Variants in GLT1D1 observed in about 807,000 individuals in gnomAD.
GLT1D1 encodes the protein glycosyltransferase 1 domain containing 1, also known as glycosyltransferase 1 domain-containing protein 1.
Under a neutral mutation model 28.7 loss-of-function variants are expected in GLT1D1, and 21 were observed. The observed-to-expected ratio is 0.73, with a 90% CI of 0.52 to 1.05. The LOEUF is 1.05. Among genes scored for constraint, GLT1D1 ranks in the 50% least tolerant of loss-of-function variants. The probability of loss-of-function intolerance (pLI) is 0.00; values close to 1 mark genes in which losing one functional copy is unlikely to be tolerated. For missense variants in GLT1D1, 343 were observed against 330.6 expected (o/e 1.04, Z -0.29); for synonymous variants, 147 against 124.8 (o/e 1.18, Z -1.19).
At chr12:128,954,956 C>A (rs974702074) in intron 6 of GLT1D1, among the ~76,000 whole-genome samples, 4 of 152,178 alleles carry the variant, frequency 2.6e-5, no homozygotes, top group Non-Finnish European at 5.9e-5. Flanking sequence ...CCTGTCCCCT[C>A]TTCCTGGGAC....
intron 3 of GLT1D1, among the ~76,000 whole-genome samples, chr12:128,892,767 A>T (rs889552002): frequency 6.6e-6 from 1 of 151,976 alleles, no homozygotes. Context: ...AAGTTTTTTT[A>T]GTATTTAAAT....
chr12:128,879,815 C>T (rs1262691355), intron 2 of GLT1D1, among the ~76,000 whole-genome samples: 1 of 152,186 alleles, frequency 6.6e-6, no homozygotes, highest in Non-Finnish European at 1.5e-5. Flanking sequence ...TTTATTCCCA[C>T]AAGTGGGATT....
At chr12:128,967,571 C>G (rs913641072) in intron 7 of GLT1D1, among the ~76,000 whole-genome samples, 1 of 152,342 alleles carries the variant, frequency 6.6e-6, no homozygotes, top group Non-Finnish European at 1.5e-5. Context: ...GCTTGCAGCG[C>G]TGTGCACTAG....
At chr12:128,940,975 A>G (rs201095158) in intron 4 of GLT1D1, among the ~76,000 whole-genome samples, 3 of 152,134 alleles carry the variant, frequency 2.0e-5, no homozygotes, top group East Asian at 3.9e-4. Context: ...CCTCACCCCA[A>G]TAACCCCTAA....
At chr12:128,880,012 G>A (rs193008516) in intron 2 of GLT1D1, among the ~76,000 whole-genome samples, 2 of 152,334 alleles carry the variant, frequency 1.3e-5, no homozygotes, top group African/African-American at 4.8e-5. Flanking sequence ...ATTGTATGTG[G>A]ATGTTGGAAA....
rs374597920 is a variant in GLT1D1, at chr12:128,956,171, A to AAAAAAAAAAAAAAAAAAAAAAAG, written c.541-1373_541-1372insAAAAAAAAAAAAAAAAAAAAAGA. 1.2e-3 allele frequency among the ~76,000 whole-genome samples: 78 copies of AAAAAAAAAAAAAAAAAAAAAAAG among 63,946 alleles called. 9 individuals carry two copies. Among genetic ancestry groups the AAAAAAAAAAAAAAAAAAAAAAAG allele is most frequent in the African/African-American group, 3.2e-3 (71 of 22,320 alleles). The allele number at this position is 63,946 out of a possible 152,430, so 42.0% of individuals were successfully genotyped here. A position where few individuals can be genotyped will look rare whatever the true frequency, so the allele number is the denominator to read the frequency against. On this transcript the variant is annotated intron_variant, in intron 6 of 7. Coordinates refer to ENST00000281703, the MANE Select transcript of GLT1D1 (RefSeq NM_144669.3). ...GAGACTCCATCTCAAAAAAAAAAAA[A>AAAAAAAAAAAAAAAAAAAAAAAG]AGAGAAAGAGAGAAAGAAAGAAAGA...
intron 4 of GLT1D1, among the ~76,000 whole-genome samples, chr12:128,902,819 G>A (rs2135861312): frequency 6.6e-6 from 1 of 151,608 alleles, no homozygotes; most frequent in Non-Finnish European, 1.5e-5. Context: ...GAGGCGGGCA[G>A]ATCACCTGAG....
intron 4 of GLT1D1, among the ~76,000 whole-genome samples, chr12:128,905,715 T>C (rs1174290098): frequency 6.6e-6 from 1 of 152,210 alleles, no homozygotes; most frequent in Non-Finnish European, 1.5e-5. Context: ...AGTGGGCTCC[T>C]CACCAGGTCA....
At chr12:128,904,623 C>CTTTTTTTTT (rs59189244) in intron 4 of GLT1D1, among the ~76,000 whole-genome samples, 4 of 139,286 alleles carry the variant, frequency 2.9e-5, no homozygotes, top group African/African-American at 6.1e-5. Flanking sequence ...TGAAAACAGT[C>CTTTTTTTTT]TTTTTTTTTT....
At chr12:128,967,929 A>AGAG (rs1878622891) in intron 7 of GLT1D1, among the ~76,000 whole-genome samples, 2 of 152,242 alleles carry the variant, frequency 1.3e-5, no homozygotes, top group East Asian at 3.9e-4. Flanking sequence ...AGTTAAGCCC[A>AGAG]GAGGAAACTC....
At chr12:128,868,952 C>A (rs1354598182) in intron 1 of GLT1D1, among the ~76,000 whole-genome samples, 1 of 152,200 alleles carries the variant, frequency 6.6e-6, no homozygotes, top group Non-Finnish European at 1.5e-5. Context: ...TCACTGCAAC[C>A]ACCGCCTGCC....
intron 1 of GLT1D1, among the ~76,000 whole-genome samples, chr12:128,867,902 G>T (rs778532062): frequency 2.6e-5 from 4 of 152,208 alleles, no homozygotes; most frequent in African/African-American, 9.6e-5. Context: ...ATAATGGAAG[G>T]ATTGAGGGGA....
chr12:128,887,244 C>T (rs760711679), intron 2 of GLT1D1, among the ~76,000 whole-genome samples: 25 of 151,976 alleles, frequency 1.6e-4, no homozygotes, highest in Non-Finnish European at 2.8e-4. Flanking sequence ...CTCAAACTCC[C>T]GGCCTCAGGT....
At chr12:128,916,495 T>C (rs1356402815) in intron 4 of GLT1D1, among the ~76,000 whole-genome samples, 1 of 152,216 alleles carries the variant, frequency 6.6e-6, no homozygotes, top group East Asian at 1.9e-4. Flanking sequence ...CTTCAGTTAC[T>C]CCACATTCTT....
intron 2 of GLT1D1, among the ~76,000 whole-genome samples, chr12:128,884,418 G>A (rs1177476589): frequency 6.6e-6 from 1 of 152,134 alleles, no homozygotes; most frequent in South Asian, 2.1e-4. Context: ...TTAGGGAAAC[G>A]TTGGTCAAAA....
chr12:128,933,294 G>T (rs1874140121), intron 4 of GLT1D1, among the ~76,000 whole-genome samples: 1 of 152,282 alleles, frequency 6.6e-6, no homozygotes, highest in Non-Finnish European at 1.5e-5. Context: ...CCCGTGCGCA[G>T]GCGGAGCCGA....
intron 4 of GLT1D1, among the ~76,000 whole-genome samples, chr12:128,940,776 GC>G (rs935345512): frequency 6.6e-6 from 1 of 152,200 alleles, no homozygotes; most frequent in African/African-American, 2.4e-5. Context: ...TGAAAAGGCT[GC>G]CCCTGGCCTT....
chr12:128,927,490 G>A (rs1002603394), intron 4 of GLT1D1, among the ~76,000 whole-genome samples: 5 of 150,638 alleles, frequency 3.3e-5, no homozygotes, highest in African/African-American at 7.3e-5. Context: ...CACACGCCTC[G>A]GCCTCCCAAA....
chr12:128,934,196 G>GTTTTTTTTTT (rs1410503648), intron 4 of GLT1D1, among the ~76,000 whole-genome samples: 1 of 128,686 alleles, frequency 7.8e-6, no homozygotes, highest in Non-Finnish European at 1.6e-5. Flanking sequence ...CAAAGAGACA[G>GTTTTTTTTTT]TCTTTTTTTT....
Sources: gnomAD v4.1 joint callset for allele counts (sites outside exome capture counted in the v4.1 genomes callset) on GRCh38, gnomAD v4.1.1 for gene constraint, MANE v1.5 for transcripts, NCBI Gene and HGNC (gene_info 2026-07-23, HGNC 2026-07-21) for gene names.